Variants in AKAP9 observed in about 807,000 individuals in gnomAD.
The protein encoded by AKAP9 is A-kinase anchor protein 9.
A neutral mutation model predicts 488.5 loss-of-function variants in AKAP9; 311 were observed. The ratio of observed to expected loss-of-function variants is 0.64; its 90% CI spans 0.58 to 0.70. The LOEUF (loss-of-function observed/expected upper bound fraction) is 0.70, where lower values mean the gene tolerates loss of function less well. AKAP9 is among the 30% of genes least tolerant of loss of function. The pLI is 0.00. For missense variants in AKAP9, 4,215 were observed against 4,374.5 expected, an observed-to-expected ratio of 0.96 and a Z score of 1.03; for synonymous variants, 1,462 against 1,483.5, an observed-to-expected ratio of 0.99 and a Z score of 0.33.
chr7:91,969,040 G>A lies in AKAP9; in HGVS notation c.49-4671G>A, dbSNP rs189851048. On this transcript the variant is annotated intron_variant, in intron 1 of 49. Coordinates refer to ENST00000356239, the MANE Select transcript of AKAP9 (RefSeq NM_005751.5). ...GCGTGGGACACCATGCCTAGCCAAT[G>A]TTTTGAAATTTTGTAGGTTTGAGAC... is the stretch of plus-strand genomic sequence containing the variant. 2.1e-3 allele frequency among the ~76,000 whole-genome samples: 315 copies of A among 151,846 alleles called. 2 individuals carry two copies. The highest frequency in any genetic ancestry group is 1.8e-3 in the Non-Finnish European group (122 of 67,896).
At chr7:92,093,008 A>G in intron 38 of AKAP9, 89 bp from the exon 39 acceptor site, 1 of 1,135,982 alleles carries the variant, frequency 8.8e-7, no homozygotes, top group Non-Finnish European at 1.3e-6. Flanking sequence ...TAATCTCCTT[A>G]ACTACAAATC....
intron 22 of AKAP9, among the ~76,000 whole-genome samples, chr7:92,055,634 A>C (rs2130809697): frequency 6.6e-6 from 1 of 152,190 alleles, no homozygotes; most frequent in Non-Finnish European, 1.5e-5. Flanking sequence ...GGCGATAATA[A>C]GCTAGTCTGG....
At chr7:91,984,770 A>G (rs897955916) in intron 3 of AKAP9, among the ~76,000 whole-genome samples, 9 of 152,156 alleles carry the variant, frequency 5.9e-5, no homozygotes, top group African/African-American at 1.9e-4. Flanking sequence ...TGAGCATGGA[A>G]TGCTTTTCCA....
chr7:92,104,983 G>A (rs1355494487), intron 46 of AKAP9, among the ~76,000 whole-genome samples: 1 of 152,148 alleles, frequency 6.6e-6, no homozygotes, highest in Non-Finnish European at 1.5e-5. Context: ...CTTCATGAGA[G>A]CGGTGTAGAA....
chr7:91,952,492 C>G (rs1219433709), intron 1 of AKAP9, among the ~76,000 whole-genome samples: 1 of 152,124 alleles, frequency 6.6e-6, no homozygotes, highest in African/African-American at 2.4e-5. Flanking sequence ...TTAGGGAAGG[C>G]TTTCTGGATG....
At chr7:92,073,230 CTCACGCCTGTAA>C (rs1812011338) in intron 28 of AKAP9, among the ~76,000 whole-genome samples, 1 of 152,022 alleles carries the variant, frequency 6.6e-6, no homozygotes, top group South Asian at 2.1e-4. Flanking sequence ...GGCGTGGTGA[CTCACGCCTGTAA>C]TCCCAACACT....
At chr7:92,107,497 G>A (rs1818701252) in intron 48 of AKAP9, 75 bp downstream of exon 48, 1 of 1,423,824 alleles carries the variant, frequency 7.0e-7, no homozygotes, top group Admixed American at 1.7e-5. Context: ...ACATTTTTAG[G>A]GCTTTGACTT....
At chr7:92,065,880 C>T (rs1463941504) in intron 25 of AKAP9, among the ~76,000 whole-genome samples, 8 of 152,144 alleles carry the variant, frequency 5.3e-5, no homozygotes, top group Non-Finnish European at 1.2e-4. Context: ...AGTGGTCATG[C>T]TGCCATTACT....
intron 28 of AKAP9, 81 bp from the exon 29 acceptor site, chr7:92,076,774 A>C: frequency 1.2e-6 from 1 of 838,426 alleles, no homozygotes. Context: ...TACTTTGTAA[A>C]GCTAATATAG....
rs778841500 is a variant in AKAP9 at position 92,001,816 on chromosome 7, CGAA to C, written c.1905_1907del (p.Glu636del). 1 of 1,613,228 alleles carries C rather than the reference CGAA, an allele frequency of 6.2e-7. No individual in the cohort carries two copies. The highest frequency in any genetic ancestry group is 8.5e-7 in the Non-Finnish European group (1 of 1,179,536). On this transcript the variant is annotated inframe_deletion, in exon 8 of 50. Transcript: ENST00000356239. ...TGAGAACACAGCTTCTATTTAGTCA[CGAA>C]GAAGAGCTTTCCAAACTGAAGGAAG...
chr7:91,986,293 C>T (rs1210369587), intron 3 of AKAP9, among the ~76,000 whole-genome samples: 3 of 152,200 alleles, frequency 2.0e-5, no homozygotes, highest in African/African-American at 7.2e-5. Flanking sequence ...TTTCCAGGTA[C>T]AGTCTGTCAC....
chr7:92,052,688 T>A, intron 21 of AKAP9, 38 bp from the exon 22 acceptor site: 1 of 1,352,524 alleles, frequency 7.4e-7, no homozygotes. Context: ...TTATGATTAT[T>A]ATAATTAATT....
At chr7:92,085,862 G>T (rs1434809515) in intron 36 of AKAP9, among the ~76,000 whole-genome samples, 176 bp downstream of exon 36, 1 of 152,016 alleles carries the variant, frequency 6.6e-6, no homozygotes, top group Non-Finnish European at 1.5e-5. Flanking sequence ...CCAGCACTTT[G>T]GGAGGCCGAG....
At chr7:91,981,838 T>C (rs988431444) in intron 3 of AKAP9, among the ~76,000 whole-genome samples, 3 of 152,050 alleles carry the variant, frequency 2.0e-5, no homozygotes, top group African/African-American at 7.3e-5. Context: ...ACTCCTGACC[T>C]CATGATCTAC....
In AKAP9 at chr7:92,086,328, T is replaced by C. The variant is rs1195627112; in HGVS notation, c.9125T>C (p.Leu3042Pro). The change falls in exon 37 of 50, where the codon CTA (leucine) becomes CCA (proline). Residue 3042 changes from leucine (L) to proline (P), a missense_variant. Leu to Pro is a moderately conservative substitution (Grantham distance 98). Coordinates refer to ENST00000356239, the MANE Select transcript of AKAP9 (RefSeq NM_005751.5). ...QVFLEERSVL[L>P]AAFRTELTAL... Reference sequence around the variant, plus strand: ...TTCTTAGAAGAGCGTAGTGTTTTACTAGCAGCATTTCGGACGGAGCTGACA... The same window carrying C: ...TTCTTAGAAGAGCGTAGTGTTTTACCAGCAGCATTTCGGACGGAGCTGACA... The C allele has an allele frequency of 6.8e-6, 11 of 1,613,972 alleles. No individual in the cohort carries two copies. The highest frequency in any genetic ancestry group is 4.4e-5 in the South Asian group (4 of 91,088).
intron 33 of AKAP9, among the ~76,000 whole-genome samples, chr7:92,083,982 C>G (rs1814068846): frequency 6.6e-6 from 1 of 152,168 alleles, no homozygotes; most frequent in Non-Finnish European, 1.5e-5. Flanking sequence ...CCCCTAGCAC[C>G]TCACCCCCGA....
chr7:92,015,742 C>G (rs1465311689), intron 10 of AKAP9, among the ~76,000 whole-genome samples: 1 of 152,098 alleles, frequency 6.6e-6, no homozygotes, highest in Non-Finnish European at 1.5e-5. Context: ...AGATTTCTTT[C>G]TGATCAGCAT....
Position 92,052,689 on chromosome 7 carries a change from A to G in AKAP9, c.5369-37A>G, listed in dbSNP as rs753223499. On this transcript the variant is annotated intron_variant, in intron 21 of 49. Transcript: ENST00000356239. ...ATAACTTTAAAAAATTATGATTATTATAATTAATTTATGCCTTTAAAACAC... is the reference window on the plus strand; with the variant it reads ...ATAACTTTAAAAAATTATGATTATTGTAATTAATTTATGCCTTTAAAACAC... 10 of 1,352,738 alleles carry G rather than the reference A, an allele frequency of 7.4e-6. No homozygotes were observed. In the South Asian group the frequency reaches 1.1e-4, roughly 14 times the overall value. The allele number at this position is 1,352,738 out of a possible 1,614,324, so 83.8% of individuals were successfully genotyped here. A position where few individuals can be genotyped will look rare whatever the true frequency, so the allele number is the denominator to read the frequency against.
At chr7:92,043,403 A>AAT in intron 20 of AKAP9, 1 of 832,600 alleles carries the variant, frequency 1.2e-6, no homozygotes, top group Admixed American at 6.2e-5. Context: ...TTACCACGGC[A>AAT]ATATAAAATA....
Sources: allele counts gnomAD v4.1 joint callset (sites outside exome capture counted in the v4.1 genomes callset), GRCh38; gene constraint gnomAD v4.1.1; transcripts MANE v1.5; gene names NCBI Gene and HGNC (gene_info 2026-07-23, HGNC 2026-07-21).